The following KTN1 variants were observed in gnomAD, a reference collection of about 807,000 sequenced individuals.
KTN1 encodes kinectin 1.
Under a neutral mutation model 222.5 loss-of-function variants are expected in KTN1, and 130 were observed. The observed-to-expected ratio is 0.58, with a 90% CI of 0.51 to 0.68. The LOEUF (loss-of-function observed/expected upper bound fraction) is 0.68, where lower values mean the gene tolerates loss of function less well. Ranked by LOEUF, KTN1 falls within the 30% of genes least tolerant of loss-of-function variation. The pLI, the probability that KTN1 is intolerant of heterozygous loss-of-function variation, is 0.00. For missense variants in KTN1, 1,508 were observed against 1,500.4 expected, an observed-to-expected ratio of 1.01 and a Z score of -0.08; for synonymous variants, 512 against 496.3, an observed-to-expected ratio of 1.03 and a Z score of -0.42.
chr14:55,641,730 T>C lies in KTN1; in HGVS notation c.2142T>C (p.Val714=). The C allele has an allele frequency of 1.9e-6, 3 of 1,604,090 alleles. No homozygotes were observed. Among genetic ancestry groups the C allele is most frequent in the East Asian group, 2.2e-5 (1 of 44,784 alleles). ...AAAACAAAGCATTAAAATCAGAAGT[T>C]CAGAAGCTACAGACTCTTGTTTCTG... is the stretch of plus-strand genomic sequence containing the variant. The part of the protein sequence containing the change: ...NDQNKALKSE[V]QKLQTLVSEQ... The change falls in exon 18 of 44, where the codon GTT becomes GTC. Residue 714 remains valine, a synonymous_variant. Transcript: ENST00000395314.
At chr14:55,681,532 T>C (rs1264433210) in intron 43 of KTN1, 1 of 152,246 alleles carries the variant, frequency 6.6e-6, no homozygotes, top group Non-Finnish European at 1.5e-5. Context: ...ATATGAATCA[T>C]TGATAATAAC....
intron 18 of KTN1, chr14:55,644,570 T>C (rs2042114675): frequency 4.2e-6 from 2 of 472,986 alleles, no homozygotes; most frequent in Non-Finnish European, 7.6e-6. Context: ...CTTTTTTTTT[T>C]TTTTTTTTTG....
chr14:55,663,861 G>T, intron 32 of KTN1, 94 bp from the exon 33 acceptor site: 1 of 727,732 alleles, frequency 1.4e-6, no homozygotes, highest in Non-Finnish European at 2.3e-6. Flanking sequence ...GCAGTAACCA[G>T]CATTTAAATG....
chr14:55,615,713 A>G (rs191075706), intron 2 of KTN1, among the ~76,000 whole-genome samples: 1 of 152,272 alleles, frequency 6.6e-6, no homozygotes, highest in African/African-American at 2.4e-5. Context: ...AAAGGAACTA[A>G]GAGTATTTTG....
chr14:55,682,513 T>C (rs1289690681), intron 43 of KTN1: 1 of 152,190 alleles, frequency 6.6e-6, no homozygotes, highest in Admixed American at 6.5e-5. Context: ...GGAACCAGTT[T>C]ATAGAATCCT....
At chr14:55,678,293 AT>A in intron 41 of KTN1, 58 bp from the exon 42 acceptor site, 2 of 983,006 alleles carry the variant, frequency 2.0e-6, no homozygotes, top group Non-Finnish European at 3.2e-6. Flanking sequence ...AAAATTATTC[AT>A]TTTTTATGTA....
At chr14:55,659,880 T>A (rs920828890) in intron 31 of KTN1, among the ~76,000 whole-genome samples, 177 bp downstream of exon 31, 1 of 152,226 alleles carries the variant, frequency 6.6e-6, no homozygotes, top group Non-Finnish European at 1.5e-5. Flanking sequence ...ATGCTTTTTT[T>A]ATGGTATTTG....
chr14:55,651,511 A>G (rs149142570), intron 24 of KTN1: 9 of 379,106 alleles, frequency 2.4e-5, no homozygotes, highest in African/African-American at 4.2e-5. Context: ...TTAATATTCT[A>G]ATTTTCAGTA....
intron 1 of KTN1, among the ~76,000 whole-genome samples, chr14:55,595,471 C>G (rs1206227750): frequency 6.6e-6 from 1 of 152,204 alleles, no homozygotes; most frequent in Non-Finnish European, 1.5e-5. Flanking sequence ...CAGAGTAACA[C>G]AGGATAATAC....
At chr14:55,651,523 T>A (rs1288526197) in intron 24 of KTN1, 1 of 373,938 alleles carries the variant, frequency 2.7e-6, no homozygotes, top group Non-Finnish European at 5.2e-6. Flanking sequence ...TTTTCAGTAC[T>A]GTAGAAGTAT....
At chr14:55,682,682 G>T (rs1169083811) in intron 43 of KTN1, 1 of 152,122 alleles carries the variant, frequency 6.6e-6, no homozygotes, top group Non-Finnish European at 1.5e-5. Context: ...GACCCAAAGA[G>T]ATTCTATAAC....
chr14:55,655,259 A>G (rs2043350372), intron 28 of KTN1, among the ~76,000 whole-genome samples: 1 of 152,276 alleles, frequency 6.6e-6, no homozygotes, highest in East Asian at 1.9e-4. Flanking sequence ...GATTACAGGC[A>G]TGAGCCACCA....
intron 1 of KTN1, among the ~76,000 whole-genome samples, chr14:55,600,818 T>C (rs2035864180): frequency 6.6e-6 from 1 of 151,684 alleles, no homozygotes; most frequent in Non-Finnish European, 1.5e-5. Context: ...AAAGACTATT[T>C]TAAAAAGTTA....
In KTN1 at chr14:55,650,557, G is replaced by A; in HGVS notation, c.2497-12G>A. On this transcript the variant is annotated splice_polypyrimidine_tract_variant and intron_variant, in intron 23 of 43. Transcript: ENST00000395314. ...TCCATTGTCCAATCTTGTCTGTTTT[G>A]TCATTGTCAAGGATTTGAAACAGGA... The A allele has an allele frequency of 1.9e-6, 3 of 1,603,786 alleles. No individual in the cohort carries two copies. The highest frequency in any genetic ancestry group is 1.3e-5 in the African/African-American group (1 of 74,700).
In KTN1 at chr14:55,647,633, CAAAAA is replaced by C. The variant is rs35742930; in HGVS notation, c.2208-369_2208-365del. ...GGGCGACAAGAGTGAAACTCTGCCTCAAAAAAAAAAAAAAAAAAAAAAAAAAAGAG... is the reference window on the plus strand; with the variant it reads ...GGGCGACAAGAGTGAAACTCTGCCTCAAAAAAAAAAAAAAAAAAAAAAGAG... On this transcript the variant is annotated intron_variant, in intron 19 of 43. Transcript: ENST00000395314. Among the ~76,000 whole-genome samples, 8 of 33,012 alleles carry C rather than the reference CAAAAA, an allele frequency of 2.4e-4. No individual in the cohort carries two copies. In the South Asian group the frequency reaches 6.2e-3, roughly 26 times the overall value. The allele number at this position is 33,012 out of a possible 152,430, so 21.7% of individuals were successfully genotyped here.
At chr14:55,680,561 C>G (rs886241727) in intron 43 of KTN1, 2 of 538,930 alleles carry the variant, frequency 3.7e-6, no homozygotes, top group African/African-American at 3.9e-5. Context: ...ACTGAATTAT[C>G]CCTTTCAGAA....
intron 7 of KTN1, among the ~76,000 whole-genome samples, 179 bp downstream of exon 7, chr14:55,630,276 G>A (rs1323769549): frequency 2.6e-5 from 4 of 152,110 alleles, no homozygotes; most frequent in Admixed American, 6.5e-5. Flanking sequence ...TAGGGAGGCC[G>A]GATGCAGATA....
intron 1 of KTN1, among the ~76,000 whole-genome samples, chr14:55,595,894 C>T (rs906962022): frequency 1.1e-4 from 17 of 151,948 alleles, no homozygotes; most frequent in Admixed American, 3.9e-4. Context: ...GTGGCTCACG[C>T]CTGTAATCCC....
intron 29 of KTN1, among the ~76,000 whole-genome samples, chr14:55,658,283 C>T (rs2043723346): frequency 1.3e-5 from 2 of 152,152 alleles, no homozygotes; most frequent in African/African-American, 4.8e-5. Context: ...TTTGAAATGT[C>T]ACTTCATACT....
Sources: gnomAD v4.1 joint callset for allele counts (sites outside exome capture counted in the v4.1 genomes callset) on GRCh38, gnomAD v4.1.1 for gene constraint, MANE v1.5 for transcripts, NCBI Gene and HGNC (gene_info 2026-07-23, HGNC 2026-07-21) for gene names.